Variants in PTCHD1 observed in about 807,000 individuals in gnomAD.
The protein encoded by PTCHD1 is patched domain-containing protein 1.
In PTCHD1, 3 loss-of-function variants were observed where a neutral mutation model predicts 34.6. That is an observed-to-expected ratio of 0.09 (90% CI 0.04 to 0.22). The LOEUF (loss-of-function observed/expected upper bound fraction) is 0.22. Ranked by LOEUF, PTCHD1 falls within the 10% of genes least tolerant of loss-of-function variation. PTCHD1 has a pLI of 1.00. For missense variants in PTCHD1, 504 were observed against 685.5 expected (o/e 0.74, Z 2.96); for synonymous variants, 305 against 283.1 (o/e 1.08, Z -0.77).
intron 1 of PTCHD1, among the ~76,000 whole-genome samples, chrX:23,361,474 C>G (rs1353873440): frequency 9.0e-6 from 1 of 111,446 alleles, no homozygotes; most frequent in Non-Finnish European, 1.9e-5. Flanking sequence ...ATTGCAACCC[C>G]TGCCTTTTTT....
chrX:23,356,412 T>A (rs1287652046), intron 1 of PTCHD1, among the ~76,000 whole-genome samples: 3 of 112,032 alleles, frequency 2.7e-5, no homozygotes, highest in African/African-American at 9.8e-5. Context: ...AGGTTACGCC[T>A]AAGCTAAGCC....
At chrX:23,388,400 A>G (rs751898717) in intron 2 of PTCHD1, among the ~76,000 whole-genome samples, 1 of 112,654 alleles carries the variant, frequency 8.9e-6, no homozygotes, top group Admixed American at 9.4e-5. Context: ...TTTTGCTTTT[A>G]AAACACCTTT....
chrX:23,363,674 G>A (rs956067283), intron 1 of PTCHD1, among the ~76,000 whole-genome samples: 1 of 112,697 alleles, frequency 8.9e-6, no homozygotes, highest in African/African-American at 3.2e-5. Flanking sequence ...TGTCCAACCA[G>A]TCCCAGTGAG....
chrX:23,367,196 C>A (rs943218082), intron 1 of PTCHD1, among the ~76,000 whole-genome samples: 2 of 111,645 alleles, frequency 1.8e-5, no homozygotes, highest in African/African-American at 6.5e-5. Context: ...ATGGTGTAGT[C>A]CCTTAATATA....
At chrX:23,379,244 A>C (rs987175874) in intron 1 of PTCHD1, among the ~76,000 whole-genome samples, 2 of 112,439 alleles carry the variant, frequency 1.8e-5, no homozygotes, top group Admixed American at 1.9e-4. Flanking sequence ...TGGTACTTTA[A>C]TGCAGCATTT....
intron 1 of PTCHD1, among the ~76,000 whole-genome samples, chrX:23,337,331 A>G (rs753942982): frequency 6.2e-5 from 7 of 112,319 alleles, no homozygotes; most frequent in Non-Finnish European, 1.1e-4. Flanking sequence ...CTCTCTGGTC[A>G]AATGAGTTCA....
intron 1 of PTCHD1, among the ~76,000 whole-genome samples, chrX:23,348,589 G>T (rs1026350934): frequency 9.1e-6 from 1 of 110,074 alleles, no homozygotes; most frequent in African/African-American, 3.3e-5. Context: ...ACAAGGAAAA[G>T]AATTACATTA....
intron 1 of PTCHD1, among the ~76,000 whole-genome samples, chrX:23,358,871 G>A (rs1330971780): frequency 8.9e-6 from 1 of 112,155 alleles, no homozygotes; most frequent in Non-Finnish European, 1.9e-5. Flanking sequence ...CATATGACTA[G>A]CCAGTTTTCC....
intron 1 of PTCHD1, among the ~76,000 whole-genome samples, chrX:23,345,056 G>A (rs1414511717): frequency 8.9e-6 from 1 of 112,065 alleles, no homozygotes; most frequent in Non-Finnish European, 1.9e-5. Context: ...AAAGTCCTTT[G>A]AAACTGGAAT....
At chrX:23,372,447 G>A (rs913914523) in intron 1 of PTCHD1, among the ~76,000 whole-genome samples, 3 of 110,672 alleles carry the variant, frequency 2.7e-5, no homozygotes, top group African/African-American at 9.9e-5. Flanking sequence ...AAGCAGGGAA[G>A]TGACGTGTTT....
chrX:23,356,745 C>G (rs1921815591), intron 1 of PTCHD1, among the ~76,000 whole-genome samples: 2 of 112,272 alleles, frequency 1.8e-5, no homozygotes, highest in African/African-American at 6.5e-5. Flanking sequence ...CGCCACTAGA[C>G]AGCAAGGACA....
intron 1 of PTCHD1, among the ~76,000 whole-genome samples, chrX:23,378,830 A>G (rs747409131): frequency 8.9e-6 from 1 of 112,633 alleles, no homozygotes; most frequent in Admixed American, 9.4e-5. Flanking sequence ...GATGACAAGC[A>G]TTCAGTACCT....
Position 23,379,768 on chromosome X carries a change from A to C in PTCHD1, c.529A>C (p.Ile177Leu). ...NRTNFAITYP[I>L]THLKDGRAVY... ...GACCAATTTTGCTATCACATACCCA[A>C]TCACTCACTTAAAGGACGGGAGGGC... The change falls in exon 2 of 3, where the codon ATC (isoleucine) becomes CTC (leucine). Residue 177 changes from isoleucine to leucine, a missense_variant. By Grantham distance (5) the Ile-to-Leu change is conservative. Transcript: ENST00000379361. 6 of 1,211,264 alleles carry C rather than the reference A, an allele frequency of 5.0e-6. No homozygotes were observed. The highest frequency in any genetic ancestry group is 5.6e-6 in the Non-Finnish European group (5 of 895,373).
At chrX:23,352,314 G>A (rs1191245308) in intron 1 of PTCHD1, among the ~76,000 whole-genome samples, 1 of 111,804 alleles carries the variant, frequency 8.9e-6, no homozygotes, top group Non-Finnish European at 1.9e-5. Flanking sequence ...CAACTGACAA[G>A]GGAATGAGAA....
chrX:23,356,520 T>C (rs923977801), intron 1 of PTCHD1, among the ~76,000 whole-genome samples: 8 of 111,759 alleles, frequency 7.2e-5, no homozygotes, highest in Non-Finnish European at 1.3e-4. Context: ...CCCAGTTTCT[T>C]ATTAGTGCTG....
intron 1 of PTCHD1, among the ~76,000 whole-genome samples, chrX:23,343,657 A>C (rs1921402351): frequency 8.9e-6 from 1 of 112,166 alleles, no homozygotes; most frequent in Non-Finnish European, 1.9e-5. Context: ...CTAAGAGGCA[A>C]ACTTAAAAGA....
chrX:23,376,028 T>TA (rs1922405609), intron 1 of PTCHD1, among the ~76,000 whole-genome samples: 1 of 112,079 alleles, frequency 8.9e-6, no homozygotes, highest in South Asian at 3.8e-4. Context: ...GCTTTACTAG[T>TA]ACAAAGCACT....
At chrX:23,385,777 A>G (rs115745948) in intron 2 of PTCHD1, among the ~76,000 whole-genome samples, 8,258 of 111,201 alleles carry the variant, frequency 0.074, 750 homozygotes, top group African/African-American at 0.26. Flanking sequence ...TAGCAACACT[A>G]ACATTATTTT....
At chrX:23,379,405 T>A (rs1467063727) in intron 1 of PTCHD1, among the ~76,000 whole-genome samples, 186 bp from the exon 2 acceptor site, 1 of 111,996 alleles carries the variant, frequency 8.9e-6, no homozygotes, top group African/African-American at 3.3e-5. Flanking sequence ...GCTGCTGCTG[T>A]TCTAGGGGCC....
Sources: gnomAD v4.1 joint callset for allele counts (sites outside exome capture counted in the v4.1 genomes callset) on GRCh38, gnomAD v4.1.1 for gene constraint, MANE v1.5 for transcripts, NCBI Gene and HGNC (gene_info 2026-07-23, HGNC 2026-07-21) for gene names.